Variants in GABRA2 observed in about 807,000 individuals in gnomAD.
The protein encoded by GABRA2 is gamma-aminobutyric acid type A receptor subunit alpha2.
A neutral mutation model predicts 48.7 loss-of-function variants in GABRA2; 16 were observed. That is an observed-to-expected ratio of 0.33 (90% CI 0.22 to 0.50). The LOEUF (loss-of-function observed/expected upper bound fraction) is 0.50. Ranked by LOEUF, GABRA2 falls within the 20% of genes least tolerant of loss-of-function variation. The pLI is 0.98. For missense variants in GABRA2, 275 were observed against 535.6 expected, an observed-to-expected ratio of 0.51 and a Z score of 4.80; for synonymous variants, 185 against 184.5, an observed-to-expected ratio of 1.00 and a Z score of -0.02.
chr4:46,361,651 G>C (rs1228066484), intron 3 of GABRA2, among the ~76,000 whole-genome samples: 1 of 152,218 alleles, frequency 6.6e-6, no homozygotes, highest in Non-Finnish European at 1.5e-5. Context: ...CCATCCTCCA[G>C]ATCCCAGAAT....
intron 3 of GABRA2, among the ~76,000 whole-genome samples, chr4:46,376,794 T>G (rs1281048237): frequency 6.6e-6 from 1 of 150,962 alleles, no homozygotes. Context: ...CCTCTCCCTC[T>G]CTCCACGGTC....
Position 46,297,433 on chromosome 4 carries a change from G to C in GABRA2, c.856+6027C>G, listed in dbSNP as rs551704153. On this transcript the variant is annotated intron_variant, in intron 8 of 9. Transcript: ENST00000381620. ...CCTCAGCTTGCAGTTGGCCTATTGT[G>C]GGACCTTGTGTTCATGTGAGTTAAT... Among the ~76,000 whole-genome samples, 3 of 139,160 alleles carry C rather than the reference G, an allele frequency of 2.2e-5. No individual in the cohort carries two copies. The East Asian group carries it at 6.5e-4, about 30-fold the overall frequency. 91.3% of individuals were successfully genotyped at this position (139,160 alleles called of 152,430 possible). A position where few individuals can be genotyped will look rare whatever the true frequency, so the allele number is the denominator to read the frequency against.
chr4:46,261,781 C>A, intron 9 of GABRA2, 145 bp downstream of exon 9: 1 of 730,166 alleles, frequency 1.4e-6, no homozygotes, highest in South Asian at 1.7e-5. Context: ...GGATTTCAGG[C>A]AAGAACACTT....
intron 3 of GABRA2, among the ~76,000 whole-genome samples, chr4:46,375,625 C>A (rs546965652): frequency 6.6e-6 from 1 of 152,252 alleles, no homozygotes; most frequent in African/African-American, 2.4e-5. Context: ...TATCATAATT[C>A]TCTGCCTCAC....
intron 8 of GABRA2, among the ~76,000 whole-genome samples, chr4:46,282,975 G>A (rs572899949): frequency 1.3e-5 from 2 of 152,198 alleles, no homozygotes; most frequent in South Asian, 2.1e-4. Context: ...CTTGCCAGAC[G>A]CCACATAGTT....
chr4:46,348,501 A>G (rs2109892559), intron 3 of GABRA2, among the ~76,000 whole-genome samples: 1 of 152,138 alleles, frequency 6.6e-6, no homozygotes, highest in Non-Finnish European at 1.5e-5. Flanking sequence ...CACTATTCAC[A>G]ATAGCAAAGA....
At chr4:46,332,536 C>A in intron 4 of GABRA2, 79 bp downstream of exon 4, 1 of 817,270 alleles carries the variant, frequency 1.2e-6, no homozygotes, top group Non-Finnish European at 2.1e-6. Context: ...TTCTATAACA[C>A]TAAAAATGCT....
intron 9 of GABRA2, among the ~76,000 whole-genome samples, chr4:46,255,245 C>T (rs1477275826): frequency 6.6e-6 from 1 of 150,466 alleles, no homozygotes; most frequent in African/African-American, 2.4e-5. Flanking sequence ...AACTAAAACG[C>T]TTACTATGAT....
intron 8 of GABRA2, among the ~76,000 whole-genome samples, chr4:46,284,207 C>G (rs564809880): frequency 3.6e-4 from 55 of 152,010 alleles, no homozygotes; most frequent in African/African-American, 1.1e-3. Context: ...TAATACTATT[C>G]ATCACAATTA....
At chr4:46,322,389 G>A (rs1194968714) in intron 4 of GABRA2, among the ~76,000 whole-genome samples, 1 of 151,906 alleles carries the variant, frequency 6.6e-6, no homozygotes, top group South Asian at 2.1e-4. Flanking sequence ...AGCCTCCAAG[G>A]CCCTGCACGA....
chr4:46,271,072 CAAAAT>C (rs1047354884), intron 8 of GABRA2, among the ~76,000 whole-genome samples: 2 of 151,082 alleles, frequency 1.3e-5, no homozygotes, highest in Non-Finnish European at 3.0e-5. Context: ...ATCAGAAAGA[CAAAAT>C]AAAATAAAAC....
chr4:46,318,098 G>A (rs1189509619), intron 4 of GABRA2, among the ~76,000 whole-genome samples: 1 of 151,224 alleles, frequency 6.6e-6, no homozygotes, highest in East Asian at 1.9e-4. Context: ...TATAAATTTA[G>A]AATCTTTTAA....
intron 9 of GABRA2, among the ~76,000 whole-genome samples, chr4:46,255,758 C>T (rs187903476): frequency 1.3e-4 from 19 of 151,498 alleles, no homozygotes; most frequent in African/African-American, 3.9e-4. Flanking sequence ...TGGAAAAACC[C>T]GGATTACAGA....
chr4:46,250,693 A>T (rs1399235206), intron 9 of GABRA2, 89 bp from the exon 10 acceptor site: 2 of 933,446 alleles, frequency 2.1e-6, no homozygotes, highest in South Asian at 1.7e-5. Flanking sequence ...GAAGGAAGGT[A>T]TCCTAATACA....
chr4:46,270,690 T>A (rs1242730111), intron 8 of GABRA2, among the ~76,000 whole-genome samples: 1 of 152,008 alleles, frequency 6.6e-6, no homozygotes, highest in Non-Finnish European at 1.5e-5. Context: ...AATACCTAAC[T>A]TACAGCACTT....
chr4:46,389,912 C>G lies in GABRA2; in HGVS notation c.-188G>C, dbSNP rs1178748832. On this transcript the variant is annotated 5_prime_UTR_variant, in exon 1 of 10. Coordinates refer to ENST00000381620, the MANE Select transcript of GABRA2 (RefSeq NM_000807.4). Reference sequence around the variant, plus strand: ...CGTGGAGCGATGGGCTGGTGGAAGCCGGAGAGGAGCGCTAGGAGCCGCGGC... The same window carrying G: ...CGTGGAGCGATGGGCTGGTGGAAGCGGGAGAGGAGCGCTAGGAGCCGCGGC... 3 of 979,530 alleles carry G rather than the reference C, an allele frequency of 3.1e-6. No individual in the cohort carries two copies. Among genetic ancestry groups the G allele is most frequent in the Non-Finnish European group, 3.6e-6 (3 of 830,278 alleles). 60.7% of individuals were successfully genotyped at this position (979,530 alleles called of 1,614,324 possible). A position where few individuals can be genotyped will look rare whatever the true frequency, so the allele number is the denominator to read the frequency against.
intron 3 of GABRA2, chr4:46,363,628 A>G (rs1253554266): frequency 1.3e-5 from 2 of 152,338 alleles, no homozygotes; most frequent in East Asian, 3.9e-4. Context: ...CTAAGGTATA[A>G]TAGTTTAGCC....
chr4:46,317,609 G>C (rs754943230), intron 4 of GABRA2, among the ~76,000 whole-genome samples: 26 of 151,460 alleles, frequency 1.7e-4, no homozygotes, highest in Non-Finnish European at 2.8e-4. Context: ...GATTAAACTA[G>C]CTCTAATGAA....
At chr4:46,285,174 ATATT>A (rs59511633) in intron 8 of GABRA2, among the ~76,000 whole-genome samples, 7,658 of 151,952 alleles carry the variant, frequency 0.05, 647 homozygotes, top group African/African-American at 0.17. Context: ...CTCATACAGA[ATATT>A]TATTTATTTA....
Sources: allele counts gnomAD v4.1 joint callset (sites outside exome capture counted in the v4.1 genomes callset), GRCh38; gene constraint gnomAD v4.1.1; transcripts MANE v1.5; gene names NCBI Gene and HGNC (gene_info 2026-07-23, HGNC 2026-07-21).